The following GARIN4 variants were observed in gnomAD, a reference collection of about 807,000 sequenced individuals.
GARIN4 encodes the protein Golgi-associated RAB2 interactor protein 4.
At chr1:212,624,849 C>CA in the GARIN4 span, 5 of 1,534,592 alleles carry the variant, frequency 3.3e-6, no homozygotes, top group Non-Finnish European at 4.4e-6. Context: ...CCTGCCTCAC[C>CA]AGTGCTGCCG....
the GARIN4 span, chr1:212,626,311 T>G: frequency 1.2e-6 from 2 of 1,614,042 alleles, no homozygotes; most frequent in Non-Finnish European, 1.7e-6. Flanking sequence ...AGAAAGGCTG[T>G]GGCAACCCGG....
the GARIN4 span, chr1:212,626,177 G>A: frequency 7.4e-6 from 12 of 1,613,982 alleles, no homozygotes; most frequent in Admixed American, 3.3e-5. Context: ...CAGGGCTCTC[G>A]GAAGGAGTTC....
the GARIN4 span, chr1:212,626,448 G>C: frequency 3.7e-6 from 6 of 1,614,202 alleles, no homozygotes; most frequent in Non-Finnish European, 5.1e-6. Context: ...AAGGGACTTG[G>C]CAGGGTCAGC....
the GARIN4 span, chr1:212,626,331 G>T: frequency 1.2e-6 from 2 of 1,614,240 alleles, no homozygotes. Context: ...GGGAGCAGCA[G>T]GCACAGGGAC....
At chr1:212,626,307 G>A in the GARIN4 span, 2 of 1,614,208 alleles carry the variant, frequency 1.2e-6, no homozygotes, top group Non-Finnish European at 1.7e-6. Context: ...AAGGAGAAAG[G>A]CTGTGGCAAC....
chr1:212,626,524 T>C, the GARIN4 span: 3 of 1,614,064 alleles, frequency 1.9e-6, no homozygotes, highest in Non-Finnish European at 1.7e-6. Context: ...ATGGCAGAGA[T>C]GTGAACGTCA....
chr1:212,626,691 G>A, the GARIN4 span: 11 of 1,552,702 alleles, frequency 7.1e-6, no homozygotes, highest in African/African-American at 6.9e-5. Flanking sequence ...AGCTGCAAAG[G>A]AGCCCAGAGC....
the GARIN4 span, chr1:212,626,136 G>T: frequency 6.4e-5 from 103 of 1,614,122 alleles, no homozygotes; most frequent in African/African-American, 9.7e-4. Flanking sequence ...GCTGAAGGCT[G>T]CAAGGAGGGG....
the GARIN4 span, chr1:212,625,785 C>T: frequency 1.1e-5 from 18 of 1,614,146 alleles, no homozygotes; most frequent in Non-Finnish European, 1.5e-5. Context: ...GCAGCCAATT[C>T]TGCCCCTGGA....
chr1:212,625,636 T>C, the GARIN4 span: 2 of 1,614,158 alleles, frequency 1.2e-6, no homozygotes, highest in Non-Finnish European at 1.7e-6. Flanking sequence ...AACCCACTAA[T>C]GTGCTCAATG....
At chr1:212,626,494 A>G in the GARIN4 span, 5 of 1,614,242 alleles carry the variant, frequency 3.1e-6, no homozygotes, top group Non-Finnish European at 4.2e-6. Flanking sequence ...ACCTTACTAC[A>G]AAAGTAGTGG....
the GARIN4 span, chr1:212,624,773 C>T: frequency 6.9e-7 from 1 of 1,439,948 alleles, no homozygotes; most frequent in Non-Finnish European, 9.1e-7. Flanking sequence ...GCTGCAGAGA[C>T]ATCTTTGTGA....
chr1:212,626,755 TAAAG>T, the GARIN4 span: 13 of 1,491,276 alleles, frequency 8.7e-6, no homozygotes, highest in Non-Finnish European at 1.2e-5. Flanking sequence ...GCCGTTTAAA[TAAAG>T]AATCATACAT....
the GARIN4 span, chr1:212,625,829 A>T: frequency 2.5e-6 from 4 of 1,614,124 alleles, no homozygotes; most frequent in Non-Finnish European, 3.4e-6. Flanking sequence ...GGCGGCCACC[A>T]TCGGTGCAGG....
the GARIN4 span, chr1:212,626,417 A>T: frequency 6.2e-7 from 1 of 1,614,212 alleles, no homozygotes; most frequent in Non-Finnish European, 8.5e-7. Flanking sequence ...GAGCTTATGG[A>T]CCACCAGTTC....
the GARIN4 span, chr1:212,624,842 G>A: frequency 1.3e-6 from 2 of 1,520,800 alleles, no homozygotes; most frequent in Non-Finnish European, 1.8e-6. Context: ...CCAGAGACCT[G>A]CCTCACCAGT....
chr1:212,625,960 C>G, the GARIN4 span: 3 of 1,614,252 alleles, frequency 1.9e-6, no homozygotes, highest in Non-Finnish European at 2.5e-6. Context: ...CATCCATGAG[C>G]CTTTCCCGAG....
the GARIN4 span, chr1:212,624,482 T>G: frequency 6.5e-6 from 1 of 153,818 alleles, no homozygotes. Flanking sequence ...GCAGAGAGGG[T>G]CGTCACTTCC....
chr1:212,625,701 T>C, the GARIN4 span: 8 of 1,613,982 alleles, frequency 5.0e-6, no homozygotes, highest in Non-Finnish European at 6.8e-6. Flanking sequence ...ACAGGGGGGA[T>C]TAAAGAGGCA....
Sources: gnomAD v4.1 joint callset for allele counts on GRCh38, gnomAD v4.1.1 for gene constraint, MANE v1.5 for transcripts, NCBI Gene and HGNC (gene_info 2026-07-23, HGNC 2026-07-21) for gene names.